Variants in NOL4 observed in about 807,000 individuals in gnomAD.
NOL4 encodes the protein cancer/testis antigen 125.
Under a neutral mutation model 75.9 loss-of-function variants are expected in NOL4, and 17 were observed. The ratio of observed to expected loss-of-function variants is 0.22; its 90% CI spans 0.15 to 0.34. The LOEUF (loss-of-function observed/expected upper bound fraction) is 0.34, where lower values mean the gene tolerates loss of function less well. Among genes scored for constraint, NOL4 ranks in the 10% least tolerant of loss-of-function variants. The pLI is 1.00. For missense variants in NOL4, 614 were observed against 793.5 expected (o/e 0.77, Z 2.72); for synonymous variants, 292 against 289.9 (o/e 1.01, Z -0.07).
At chr18:33,914,427 T>C (rs1310072423) in intron 9 of NOL4, among the ~76,000 whole-genome samples, 1 of 152,138 alleles carries the variant, frequency 6.6e-6, no homozygotes, top group Non-Finnish European at 1.5e-5. Flanking sequence ...AAGACTTTGG[T>C]GCTCTCTCTT....
intron 1 of NOL4, among the ~76,000 whole-genome samples, chr18:34,200,659 C>T (rs2035668816): frequency 6.6e-6 from 1 of 151,660 alleles, no homozygotes; most frequent in African/African-American, 2.4e-5. Context: ...TCATATATTA[C>T]ATACAATATC....
intron 1 of NOL4, among the ~76,000 whole-genome samples, chr18:34,194,408 TAGGGAAGG>T (rs374180494): frequency 2.7e-5 from 3 of 112,634 alleles, no homozygotes; most frequent in Admixed American, 1.9e-4. Flanking sequence ...AGGAAAAAGG[TAGGGAAGG>T]AGGGAGGGAG....
chr18:34,202,379 C>T (rs2035802299), intron 1 of NOL4, among the ~76,000 whole-genome samples: 1 of 151,936 alleles, frequency 6.6e-6, no homozygotes, highest in Non-Finnish European at 1.5e-5. Context: ...ATCATTTTCA[C>T]ATCAATACTT....
chr18:33,873,199 G>GA, intron 10 of NOL4, among the ~76,000 whole-genome samples: 2 of 151,940 alleles, frequency 1.3e-5, no homozygotes, highest in East Asian at 3.9e-4. Flanking sequence ...ATTACTTTTA[G>GA]GCTATACTCT....
chr18:34,113,133 CT>C (rs1298239229), intron 2 of NOL4, among the ~76,000 whole-genome samples: 2 of 147,796 alleles, frequency 1.4e-5, no homozygotes, highest in African/African-American at 4.9e-5. Flanking sequence ...CTAAGCCCAA[CT>C]TTTTTTGTTT....
chr18:34,206,572 C>T (rs189911236), intron 1 of NOL4, among the ~76,000 whole-genome samples: 2 of 152,146 alleles, frequency 1.3e-5, no homozygotes, highest in East Asian at 3.9e-4. Context: ...GTCTTGTGGG[C>T]TTCATGGTTT....
Position 33,945,376 on chromosome 18 carries a change from G to A in NOL4, c.1429-2198C>T, listed in dbSNP as rs111797241. On this transcript the variant is annotated intron_variant, in intron 8 of 10. Transcript: ENST00000261592. ...AAGTAACTTAAATACATAAAAGTTC[G>A]TTTAACATGGAGAACGTAAGTAAAA... is the stretch of plus-strand genomic sequence containing the variant. 5.4e-3 allele frequency among the ~76,000 whole-genome samples: 813 copies of A among 151,636 alleles called. 10 individuals carry two copies. Among genetic ancestry groups the A allele is most frequent in the African/African-American group, 0.018 (752 of 41,412 alleles).
intron 4 of NOL4, among the ~76,000 whole-genome samples, chr18:34,096,722 C>CAGAG (rs2078802824): frequency 2.0e-5 from 3 of 152,080 alleles, no homozygotes; most frequent in Admixed American, 1.3e-4. Flanking sequence ...AAGTCATGGC[C>CAGAG]AGAGACCATA....
At chr18:33,942,915 C>G in intron 9 of NOL4, 150 bp downstream of exon 9, 1 of 566,862 alleles carries the variant, frequency 1.8e-6, no homozygotes, top group East Asian at 2.9e-5. Context: ...CACACATTTT[C>G]AAGTTTAAAT....
chr18:33,886,805 GT>G (rs2064700790), intron 9 of NOL4, among the ~76,000 whole-genome samples: 7 of 133,552 alleles, frequency 5.2e-5, no homozygotes, highest in African/African-American at 1.8e-4. Context: ...ATCTATATAC[GT>G]ATATAGATAT....
intron 9 of NOL4, among the ~76,000 whole-genome samples, chr18:33,927,261 A>C (rs2067393632): frequency 6.6e-6 from 1 of 152,214 alleles, no homozygotes; most frequent in Non-Finnish European, 1.5e-5. Context: ...AAACTGTATC[A>C]TGTAAAATGC....
At chr18:34,123,735 TATAG>T (rs1033080909) in intron 2 of NOL4, among the ~76,000 whole-genome samples, 16 of 149,810 alleles carry the variant, frequency 1.1e-4, no homozygotes, top group Non-Finnish European at 2.1e-4. Context: ...TATATGTCTA[TATAG>T]ATATAGAAAG....
chr18:34,208,026 T>G (rs988417983), intron 1 of NOL4, among the ~76,000 whole-genome samples: 5 of 152,186 alleles, frequency 3.3e-5, no homozygotes, highest in African/African-American at 1.2e-4. Flanking sequence ...CTATTCCTGG[T>G]CCTCTGGACA....
At chr18:34,165,957 G>A (rs954213343) in intron 1 of NOL4, among the ~76,000 whole-genome samples, 2 of 151,690 alleles carry the variant, frequency 1.3e-5, no homozygotes, top group African/African-American at 2.4e-5. Flanking sequence ...GAATGTTTAA[G>A]CTGTAACTGT....
chr18:34,079,888 A>G (rs1186568624), intron 5 of NOL4, among the ~76,000 whole-genome samples: 2 of 152,238 alleles, frequency 1.3e-5, no homozygotes, highest in Non-Finnish European at 2.9e-5. Context: ...ATTTTAAAAT[A>G]TCTACTTAAA....
chr18:34,046,035 T>C (rs1172586102), intron 5 of NOL4, among the ~76,000 whole-genome samples: 1 of 152,140 alleles, frequency 6.6e-6, no homozygotes, highest in Non-Finnish European at 1.5e-5. Flanking sequence ...GTTTGTTGAG[T>C]GTTCCCTAGC....
At chr18:33,946,887 C>T (rs534831918) in intron 8 of NOL4, among the ~76,000 whole-genome samples, 38 of 151,690 alleles carry the variant, frequency 2.5e-4, no homozygotes, top group African/African-American at 8.0e-4. Flanking sequence ...TTACTATACA[C>T]GAACCATAAT....
intron 8 of NOL4, among the ~76,000 whole-genome samples, chr18:33,948,978 G>C (rs540565761): frequency 3.3e-5 from 5 of 152,102 alleles, no homozygotes; most frequent in Admixed American, 1.3e-4. Flanking sequence ...AGAAACTTGG[G>C]ATAAACTCAG....
At chr18:34,095,568 A>G (rs2078739146) in intron 4 of NOL4, among the ~76,000 whole-genome samples, 1 of 152,058 alleles carries the variant, frequency 6.6e-6, no homozygotes, top group African/African-American at 2.4e-5. Flanking sequence ...CAGTTTCTTT[A>G]TCTATACAAT....
Sources: allele counts gnomAD v4.1 joint callset (sites outside exome capture counted in the v4.1 genomes callset), GRCh38; gene constraint gnomAD v4.1.1; transcripts MANE v1.5; gene names NCBI Gene and HGNC (gene_info 2026-07-23, HGNC 2026-07-21).